The following TTL variants were observed in gnomAD, a reference collection of about 807,000 sequenced individuals.
TTL encodes the protein tubulin tyrosine ligase, also known as tubulin--tyrosine ligase.
TTL carries 10 observed loss-of-function variants against 41.1 expected under a neutral mutation model. The observed-to-expected ratio is 0.24, with a 90% CI of 0.15 to 0.41. TTL has a LOEUF of 0.41. Ranked by LOEUF, TTL falls within the 10% of genes least tolerant of loss-of-function variation. The probability of loss-of-function intolerance (pLI) is 1.00; values close to 1 mark genes in which losing one functional copy is unlikely to be tolerated. For missense variants in TTL, 367 were observed against 460.4 expected (o/e 0.80, Z 1.86); for synonymous variants, 175 against 175.5 (o/e 1.00, Z 0.02).
chr2:112,501,662 G>A (rs1268871546), intron 4 of TTL, among the ~76,000 whole-genome samples: 1 of 152,062 alleles, frequency 6.6e-6, no homozygotes, highest in East Asian at 1.9e-4. Context: ...GAGGTCAGGA[G>A]TTCGAGACCA....
chr2:112,538,326 A>C lies in TTL; in HGVS notation c.*9531A>C, dbSNP rs1682635436. On this transcript the variant is annotated 3_prime_UTR_variant, in exon 7 of 7. Transcript: ENST00000233336. ...GACAAAGATGTCACAAGAAAAGCAAATAGCAGACCAATAATCTCTTGGGAA... is the reference window on the plus strand; with the variant it reads ...GACAAAGATGTCACAAGAAAAGCAACTAGCAGACCAATAATCTCTTGGGAA... 1 of 152,234 alleles carries C rather than the reference A, an allele frequency of 6.6e-6. No individual in the cohort carries two copies. Among genetic ancestry groups the C allele is most frequent in the African/African-American group, 2.4e-5 (1 of 41,454 alleles). 9.4% of individuals were successfully genotyped at this position (152,234 alleles called of 1,614,324 possible).
At chr2:112,521,786 A>G (rs749487285) in intron 6 of TTL, among the ~76,000 whole-genome samples, 5 of 152,246 alleles carry the variant, frequency 3.3e-5, no homozygotes, top group Admixed American at 6.5e-5. Flanking sequence ...GCAGATGTCA[A>G]TTACAAGCGA....
At chr2:112,523,350 C>CTGTGTGTGTGTG (rs60321232) in intron 6 of TTL, among the ~76,000 whole-genome samples, 70 of 149,856 alleles carry the variant, frequency 4.7e-4, no homozygotes, top group African/African-American at 1.2e-3. Context: ...GTGTGTGTGT[C>CTGTGTGTGTGTG]TGTGTGTGTG....
At position 112,539,815 on chromosome 2, in the gene TTL, G is replaced by T. The variant is rs1008919034; in HGVS notation, c.*11020G>T. ...CACTTACGCTGTTAGAACTAATAAA[G>T]AGTTTAGCAAGATTGCCAGACACAA... On this transcript the variant is annotated 3_prime_UTR_variant, in exon 7 of 7. Transcript: ENST00000233336. 6.6e-6 allele frequency: 1 copy of T among 152,116 alleles called. No individual in the cohort carries two copies. Among genetic ancestry groups the T allele is most frequent in the African/African-American group, 2.4e-5 (1 of 41,414 alleles). The allele number at this position is 152,116 out of a possible 1,614,324, so 9.4% of individuals were successfully genotyped here.
At chr2:112,518,692 T>TTTTA (rs1682140656) in intron 5 of TTL, among the ~76,000 whole-genome samples, 1 of 150,840 alleles carries the variant, frequency 6.6e-6, no homozygotes, top group Non-Finnish European at 1.5e-5. Context: ...TTTTTTTTTT[T>TTTTA]GAGACAGAAT....
At position 112,521,308 on chromosome 2, in the gene TTL, A is replaced by C. The variant is rs555775888; in HGVS notation, c.1019+883A>C. ...CTCTCGGGAGAAGGCTGGTTGTAGC[A>C]TGAGCGTCATGGAGTCATTAAGGAG... is the stretch of plus-strand genomic sequence containing the variant. On this transcript the variant is annotated intron_variant, in intron 6 of 6. Coordinates refer to ENST00000233336, the MANE Select transcript of TTL (RefSeq NM_153712.5). 22 of 985,386 alleles carry C rather than the reference A, an allele frequency of 2.2e-5. 1 individual carries two copies. In the South Asian group the frequency reaches 8.9e-4, roughly 40 times the overall value. 61.0% of individuals were successfully genotyped at this position (985,386 alleles called of 1,614,324 possible).
intron 5 of TTL, among the ~76,000 whole-genome samples, chr2:112,514,307 G>C (rs895565284): frequency 1.3e-5 from 2 of 151,962 alleles, no homozygotes; most frequent in Non-Finnish European, 2.9e-5. Context: ...GCTTGAACCT[G>C]GGGGGTGGAA....
intron 5 of TTL, among the ~76,000 whole-genome samples, chr2:112,514,671 A>G (rs369018547): frequency 2.6e-5 from 4 of 152,254 alleles, no homozygotes; most frequent in South Asian, 2.1e-4. Flanking sequence ...AAATTTTACT[A>G]TGAGATGTGT....
chr2:112,521,795 G>C (rs1035992787), intron 6 of TTL, among the ~76,000 whole-genome samples: 1 of 152,222 alleles, frequency 6.6e-6, no homozygotes, highest in Non-Finnish European at 1.5e-5. Flanking sequence ...AATTACAAGC[G>C]AGGACAAGTG....
At position 112,528,740 on chromosome 2, in the gene TTL, C is replaced by A. The variant is rs199740251; in HGVS notation, c.1079C>A (p.Pro360Gln). Reference sequence around the variant, plus strand: ...GACATAGCCATTTCCAGTGTCTTCCCACCCCCAGATGTGGAGCAACCTCAG... The same window carrying A: ...GACATAGCCATTTCCAGTGTCTTCCAACCCCCAGATGTGGAGCAACCTCAG... ...IVDIAISSVFPPPDVEQPQTQ... is the reference protein window; with the variant it reads ...IVDIAISSVFQPPDVEQPQTQ... Residue 360 changes from proline to glutamine, a missense_variant, in exon 7 of 7, where the codon CCA becomes CAA. Coordinates refer to ENST00000233336, the MANE Select transcript of TTL (RefSeq NM_153712.5). 6.8e-6 allele frequency: 11 copies of A among 1,614,152 alleles called. No homozygotes were observed. Among genetic ancestry groups the A allele is most frequent in the Non-Finnish European group, 9.3e-6 (11 of 1,180,022 alleles).
chr2:112,488,943 TG>T (rs950475790), intron 2 of TTL, among the ~76,000 whole-genome samples: 1 of 151,554 alleles, frequency 6.6e-6, no homozygotes, highest in African/African-American at 2.4e-5. Flanking sequence ...AAAAATTAGC[TG>T]GGCATGGTGG....
intron 5 of TTL, among the ~76,000 whole-genome samples, chr2:112,510,672 T>C (rs943499992): frequency 1.3e-5 from 2 of 152,182 alleles, no homozygotes; most frequent in Admixed American, 6.5e-5. Flanking sequence ...GGTTTCTCCA[T>C]GTTGGTCAGG....
intron 5 of TTL, among the ~76,000 whole-genome samples, chr2:112,515,940 C>G (rs1682057052): frequency 6.8e-6 from 1 of 146,540 alleles, no homozygotes; most frequent in African/African-American, 2.6e-5. Context: ...CAGCGAGACT[C>G]CATCTCAGAA....
At chr2:112,495,108 T>C (rs1327584831) in intron 3 of TTL, among the ~76,000 whole-genome samples, 2 of 152,230 alleles carry the variant, frequency 1.3e-5, no homozygotes, top group Non-Finnish European at 2.9e-5. Context: ...CTCTCTGCAC[T>C]GTAGACACAA....
chr2:112,527,258 GAT>G (rs749947710), intron 6 of TTL, among the ~76,000 whole-genome samples: 2 of 152,200 alleles, frequency 1.3e-5, no homozygotes, highest in Non-Finnish European at 2.9e-5. Context: ...GAATAAGTGA[GAT>G]ATGTGGTGCT....
At chr2:112,515,472 A>G (rs1465691025) in intron 5 of TTL, among the ~76,000 whole-genome samples, 1 of 152,106 alleles carries the variant, frequency 6.6e-6, no homozygotes, top group Non-Finnish European at 1.5e-5. Flanking sequence ...TTTTAGCATT[A>G]GTGTTCACTT....
intron 2 of TTL, 139 bp from the exon 3 acceptor site, chr2:112,494,004 C>G (rs1171078163): frequency 3.0e-6 from 2 of 663,706 alleles, no homozygotes. Flanking sequence ...TCCAGGGAGA[C>G]TAAGAGCAAA....
At position 112,533,180 on chromosome 2, in the gene TTL, C is replaced by G. The variant is rs1306626997; in HGVS notation, c.*4385C>G. Reference sequence around the variant, plus strand: ...TATACCTCTGGCACAGAGGAGGTTTCCATGCCAGAAGCCCTGTGTAGGCAC... The same window carrying G: ...TATACCTCTGGCACAGAGGAGGTTTGCATGCCAGAAGCCCTGTGTAGGCAC... On this transcript the variant is annotated 3_prime_UTR_variant, in exon 7 of 7. Coordinates refer to ENST00000233336, the MANE Select transcript of TTL (RefSeq NM_153712.5). 2 of 152,246 alleles carry G rather than the reference C, an allele frequency of 1.3e-5. No homozygotes were observed. The highest frequency in any genetic ancestry group is 2.4e-5 in the African/African-American group (1 of 41,450). The allele number at this position is 152,246 out of a possible 1,614,324, so 9.4% of individuals were successfully genotyped here.
chr2:112,483,840 A>G (rs1193466862), intron 1 of TTL: 1 of 152,270 alleles, frequency 6.6e-6, no homozygotes. Context: ...TTGAACACCC[A>G]GAAATCTTAG....
Sources: gnomAD v4.1 joint callset for allele counts (sites outside exome capture counted in the v4.1 genomes callset) on GRCh38, gnomAD v4.1.1 for gene constraint, MANE v1.5 for transcripts, NCBI Gene and HGNC (gene_info 2026-07-23, HGNC 2026-07-21) for gene names.